The following MYO15B variants were observed in gnomAD, a reference collection of about 807,000 sequenced individuals.
MYO15B encodes myosin XVB pseudogene.
In MYO15B, 207 loss-of-function variants were observed where a neutral mutation model predicts 119.3. The observed-to-expected ratio is 1.73, with a 90% CI of 1.55 to 1.95. The LOEUF is 1.95. Among genes scored for constraint, MYO15B ranks in the 30% most tolerant of loss-of-function variants. The pLI is 0.00. For missense variants in MYO15B, 2,264 were observed against 1,203.1 expected, an observed-to-expected ratio of 1.88 and a Z score of -13.04; for synonymous variants, 966 against 498.9, an observed-to-expected ratio of 1.94 and a Z score of -12.48.
intron 23 of MYO15B, 77 bp from the exon 24 acceptor site, chr17:75,611,524 G>A (rs1266756719): frequency 1.5e-6 from 1 of 684,696 alleles, no homozygotes; most frequent in East Asian, 2.7e-5. Flanking sequence ...TATAATCTTG[G>A]GGTTGAGGGT....
At chr17:75,592,204 C>T in intron 6 of MYO15B, 34 bp from the exon 7 acceptor site, 1 of 702,308 alleles carries the variant, frequency 1.4e-6, no homozygotes, top group South Asian at 1.5e-5. Flanking sequence ...TGTTCTGCAT[C>T]CTGGGCACTC....
Position 75,616,152 on chromosome 17 carries a change from G to A in MYO15B, c.6109+5G>A, listed in dbSNP as rs2058357635. ...GGAACTATTTCCAGAGGATGGGTGA[G>A]GGCACTTGGGGTGGCAGGACCGTGC... is the stretch of plus-strand genomic sequence containing the variant. On this transcript the variant is annotated splice_donor_5th_base_variant and intron_variant, in intron 37 of 63. Transcript: ENST00000645453. 1.8e-6 allele frequency: 1 copy of A among 566,056 alleles called. No individual in the cohort carries two copies. The highest frequency in any genetic ancestry group is 3.1e-6 in the Non-Finnish European group (1 of 320,990). 35.1% of individuals were successfully genotyped at this position (566,056 alleles called of 1,614,324 possible). A position where few individuals can be genotyped will look rare whatever the true frequency, so the allele number is the denominator to read the frequency against.
exon 20 of MYO15B, chr17:75,605,546 C>T (rs1204758154): frequency 1.4e-5 from 10 of 702,822 alleles, no homozygotes; most frequent in Non-Finnish European, 2.3e-5. Context: ...ACCTCTCTGA[C>T]CGGGAGAAGT....
intron 26 of MYO15B, 32 bp from the exon 27 acceptor site, chr17:75,612,942 C>A: frequency 1.4e-6 from 1 of 690,654 alleles, no homozygotes; most frequent in Non-Finnish European, 2.7e-6. Context: ...GGGAGCCCCG[C>A]ACGTCCTGTC....
rs1307049239 is a variant in MYO15B, at chr17:75,621,949, G to C, written c.8006-55G>C. ...CCCTGCACAGCAACAGCATGAGCCG[G>C]GGCCAGCCCCAGCACAGCCCCAGCT... On this transcript the variant is annotated intron_variant, in intron 52 of 63. Coordinates refer to ENST00000645453, the Ensembl canonical transcript of MYO15B. The C allele has an allele frequency of 5.7e-6, 4 of 698,218 alleles. No homozygotes were observed. In the South Asian group the frequency reaches 5.9e-5, roughly 10 times the overall value. The allele number at this position is 698,218 out of a possible 1,614,324, so 43.3% of individuals were successfully genotyped here. A position where few individuals can be genotyped will look rare whatever the true frequency, so the allele number is the denominator to read the frequency against.
chr17:75,592,564 G>A (rs926244589), intron 8 of MYO15B, 23 bp downstream of exon 8: 7 of 613,840 alleles, frequency 1.1e-5, no homozygotes, highest in Admixed American at 5.3e-5. Flanking sequence ...CTTGTGGTGC[G>A]GCGGGGAGGC....
chr17:75,621,260 G>T (rs1201416637), intron 50 of MYO15B, 84 bp downstream of exon 50: 4 of 662,010 alleles, frequency 6.0e-6, no homozygotes, highest in Admixed American at 2.1e-5. Context: ...ACTGGGCTGT[G>T]CTCTTAGCAC....
Position 75,626,410 on chromosome 17 carries a change from C to T in MYO15B, c.9217C>T (p.Gln3073Ter), listed in dbSNP as rs1372528838. The T allele has an allele frequency of 1.4e-6, 1 of 703,070 alleles. No homozygotes were observed. 43.6% of individuals were successfully genotyped at this position (703,070 alleles called of 1,614,324 possible). A position where few individuals can be genotyped will look rare whatever the true frequency, so the allele number is the denominator to read the frequency against. The change falls in exon 64 of 64, where the codon CAG becomes TAG. Residue 3073 changes from glutamine (Q) to a stop codon, truncating the protein, a stop_gained. Coordinates refer to ENST00000645453, the Ensembl canonical transcript of MYO15B. LOFTEE classifies it low-confidence loss of function (END_TRUNC). Reference sequence around the variant, plus strand: ...TAACAGGCCTTTCTCTGGGCAGGCCCAGGAGCTGCTATACACCACTGTCTT... The same window carrying T: ...TAACAGGCCTTTCTCTGGGCAGGCCTAGGAGCTGCTATACACCACTGTCTT...
At chr17:75,593,042 A>T in intron 9 of MYO15B, 1 of 529,416 alleles carries the variant, frequency 1.9e-6, no homozygotes, top group Non-Finnish European at 3.3e-6. Flanking sequence ...CTAAGCTGCC[A>T]CCCCTAAGAA....
chr17:75,625,013 T>G, intron 59 of MYO15B, 97 bp downstream of exon 59: 1 of 665,388 alleles, frequency 1.5e-6, no homozygotes. Context: ...GGTGTGGGTC[T>G]GTGGTGGCTG....
At chr17:75,602,545 A>G (rs2057351471) in exon 16 of MYO15B, 1 of 700,012 alleles carries the variant, frequency 1.4e-6, no homozygotes, top group Non-Finnish European at 2.6e-6. Context: ...AGAAACCGGG[A>G]TCAGCTGGAC....
chr17:75,619,289 A>G (rs2058561979), intron 44 of MYO15B, 69 bp from the exon 45 acceptor site: 4 of 702,376 alleles, frequency 5.7e-6, no homozygotes, highest in East Asian at 2.7e-5. Flanking sequence ...AGGAGGGAGC[A>G]GCATGGGAGC....
At chr17:75,588,635 G>A (rs2056213434) in exon 1 of MYO15B, 2 of 400,430 alleles carry the variant, frequency 5.0e-6, no homozygotes, top group East Asian at 3.6e-5. Context: ...GGCTCGGAAG[G>A]GACAAAAACC....
exon 38 of MYO15B, chr17:75,616,373 G>A: frequency 3.2e-6 from 2 of 618,880 alleles, no homozygotes; most frequent in African/African-American, 1.8e-5. Context: ...TCCCCCAGGG[G>A]GAAGCGCAGG....
chr17:75,618,281 G>A (rs2148063130), intron 43 of MYO15B, 96 bp downstream of exon 43: 1 of 676,366 alleles, frequency 1.5e-6, no homozygotes, highest in East Asian at 2.7e-5. Flanking sequence ...CACCACGTAG[G>A]GCATGTTGGC....
intron 23 of MYO15B, 133 bp from the exon 24 acceptor site, chr17:75,611,468 C>CAA (rs11410750): frequency 0.011 from 4,938 of 468,676 alleles, no homozygotes; most frequent in Middle Eastern, 0.014. Flanking sequence ...GACCCTGCCT[C>CAA]AAAAAAAAAA....
At chr17:75,588,641 A>G in exon 1 of MYO15B, 1 of 400,572 alleles carries the variant, frequency 2.5e-6, no homozygotes, top group Non-Finnish European at 4.4e-6. Flanking sequence ...GAAGGGACAA[A>G]AACCGGGCCG....
Position 75,625,985 on chromosome 17 carries a change from C to T in MYO15B, c.9072+8C>T, listed in dbSNP as rs1403559636. The T allele has an allele frequency of 7.1e-6, 5 of 700,678 alleles. No individual in the cohort carries two copies. In the African/African-American group the frequency reaches 8.8e-5, roughly 12 times the overall value. The allele number at this position is 700,678 out of a possible 1,614,324, so 43.4% of individuals were successfully genotyped here. A position where few individuals can be genotyped will look rare whatever the true frequency, so the allele number is the denominator to read the frequency against. The stretch of plus-strand genomic sequence containing the variant: ...ATGGACCCCAGCTCCCAGGTGGGCA[C>T]AGCTCTTGCCTCAGCACTGGCCTAG... On this transcript the variant is annotated splice_region_variant and intron_variant, in intron 62 of 63. Coordinates refer to ENST00000645453, the Ensembl canonical transcript of MYO15B.
chr17:75,614,391 C>A, intron 30 of MYO15B, 31 bp downstream of exon 30: 1 of 696,146 alleles, frequency 1.4e-6, no homozygotes, highest in South Asian at 1.5e-5. Flanking sequence ...CTCTCCCTGG[C>A]CTGCTCCTGC....
Sources: gnomAD v4.1 joint callset for allele counts on GRCh38, gnomAD v4.1.1 for gene constraint, MANE v1.5 for transcripts, NCBI Gene and HGNC (gene_info 2026-07-23, HGNC 2026-07-21) for gene names.